SERPINI1: variants seen among roughly 807,000 people sequenced by gnomAD.
The protein encoded by SERPINI1 is neuroserpin.
In SERPINI1, 19 loss-of-function variants were observed where a neutral mutation model predicts 41.1. The observed-to-expected ratio is 0.46, with a 90% CI of 0.32 to 0.68. The LOEUF (loss-of-function observed/expected upper bound fraction) is 0.68, where lower values mean the gene tolerates loss of function less well. Ranked by LOEUF, SERPINI1 falls within the 30% of genes least tolerant of loss-of-function variation. The pLI, the probability that SERPINI1 is intolerant of heterozygous loss-of-function variation, is 0.03. For synonymous variants in SERPINI1, 138 were observed against 156.6 expected, an observed-to-expected ratio of 0.88 and a Z score of 0.89; for missense variants, 460 against 479.2, an observed-to-expected ratio of 0.96 and a Z score of 0.37.
At chr3:167,797,505 T>G (rs1727753404) in intron 5 of SERPINI1, among the ~76,000 whole-genome samples, 1 of 152,180 alleles carries the variant, frequency 6.6e-6, no homozygotes, top group Admixed American at 6.5e-5. Flanking sequence ...TTAATCCATC[T>G]TGAGTTAACT....
intron 6 of SERPINI1, among the ~76,000 whole-genome samples, chr3:167,819,271 C>T (rs1184372521): frequency 6.6e-6 from 1 of 152,126 alleles, no homozygotes; most frequent in South Asian, 2.1e-4. Flanking sequence ...GCCTCAGCTT[C>T]CCTGAGTGCT....
At chr3:167,815,994 C>T (rs1374021959) in intron 6 of SERPINI1, among the ~76,000 whole-genome samples, 2 of 152,076 alleles carry the variant, frequency 1.3e-5, no homozygotes, top group African/African-American at 2.4e-5. Context: ...TTTCTTGGAA[C>T]GTCTACTTTA....
intron 1 of SERPINI1, among the ~76,000 whole-genome samples, chr3:167,787,899 T>G (rs1282074147): frequency 2.6e-5 from 4 of 152,258 alleles, no homozygotes; most frequent in Non-Finnish European, 5.9e-5. Flanking sequence ...GATCTTCTAA[T>G]TCATAAGCCT....
intron 6 of SERPINI1, among the ~76,000 whole-genome samples, chr3:167,810,124 C>T (rs947850757): frequency 2.1e-4 from 32 of 152,006 alleles, no homozygotes; most frequent in African/African-American, 7.7e-4. Context: ...AAACTTGCCC[C>T]TTTTTTTCCT....
At chr3:167,778,455 A>T (rs1727026106) in intron 1 of SERPINI1, among the ~76,000 whole-genome samples, 1 of 152,152 alleles carries the variant, frequency 6.6e-6, no homozygotes, top group Admixed American at 6.5e-5. Context: ...TTGGTTGGGG[A>T]TGAAATCATA....
rs7631944 is a variant in SERPINI1 at position 167,773,374 on chromosome 3, G to A, written c.-18-15737G>A. On this transcript the variant is annotated intron_variant, in intron 1 of 8. Coordinates refer to ENST00000446050, the MANE Select transcript of SERPINI1 (RefSeq NM_001122752.2). ...GAGATCTCCGAAAATAAGAGTGGTC[G>A]ATTTACTATTTTAAGTGCCTTGTGA... is the stretch of plus-strand genomic sequence containing the variant. Among the ~76,000 whole-genome samples the A allele has an allele frequency of 9.1e-3, 1,383 of 152,144 alleles. 24 individuals carry two copies. Among genetic ancestry groups the A allele is most frequent in the African/African-American group, 0.031 (1,300 of 41,498 alleles).
chr3:167,754,702 C>T (rs1283597927), intron 1 of SERPINI1, among the ~76,000 whole-genome samples: 1 of 152,194 alleles, frequency 6.6e-6, no homozygotes, highest in Non-Finnish European at 1.5e-5. Context: ...TTGAATACAA[C>T]TGCATTATTT....
chr3:167,759,281 G>T (rs2108538982), intron 1 of SERPINI1, among the ~76,000 whole-genome samples: 1 of 151,332 alleles, frequency 6.6e-6, no homozygotes. Context: ...CTACCCAAAG[G>T]AAAATAAATC....
chr3:167,764,545 G>A (rs1726498356), intron 1 of SERPINI1, among the ~76,000 whole-genome samples: 1 of 152,120 alleles, frequency 6.6e-6, no homozygotes, highest in Non-Finnish European at 1.5e-5. Flanking sequence ...CAACACATGG[G>A]AATTCAAGAT....
At position 167,754,462 on chromosome 3, in the gene SERPINI1, T is replaced by C. The variant is rs533246998; in HGVS notation, c.-19+18639T>C. On this transcript the variant is annotated intron_variant, in intron 1 of 8. Coordinates refer to ENST00000446050, the MANE Select transcript of SERPINI1 (RefSeq NM_001122752.2). Reference sequence around the variant, plus strand: ...TTCTGTGGCACATACATTTTCATAATTTACAGATTCTATTATCTGTGCTTT... The same window carrying C: ...TTCTGTGGCACATACATTTTCATAACTTACAGATTCTATTATCTGTGCTTT... 9.8e-5 allele frequency among the ~76,000 whole-genome samples: 15 copies of C among 152,376 alleles called. No individual in the cohort carries two copies. The South Asian group carries it at 3.1e-3, about 32-fold the overall frequency.
chr3:167,774,769 C>T (rs1019289057), intron 1 of SERPINI1, among the ~76,000 whole-genome samples: 1 of 138,054 alleles, frequency 7.2e-6, no homozygotes, highest in Admixed American at 7.0e-5. Context: ...CATCCCCAAA[C>T]CATCCCCTCA....
intron 1 of SERPINI1, among the ~76,000 whole-genome samples, chr3:167,773,009 G>T: frequency 6.8e-6 from 1 of 146,720 alleles, no homozygotes; most frequent in African/African-American, 2.5e-5. Context: ...AAGTTTATCT[G>T]ACACAACTAA....
At chr3:167,809,020 A>G (rs1214773610) in intron 6 of SERPINI1, among the ~76,000 whole-genome samples, 1 of 152,204 alleles carries the variant, frequency 6.6e-6, no homozygotes, top group East Asian at 1.9e-4. Flanking sequence ...CCTAAACACT[A>G]ATAGAGCTTT....
rs184669296 is a variant in SERPINI1, at chr3:167,775,759, T to C, written c.-18-13352T>C. ...TCCTGTTTTTTCTGTATCCCTAGCA[T>C]CTAGCTCAGGGGCTGGCACATAGCT... On this transcript the variant is annotated intron_variant, in intron 1 of 8. Coordinates refer to ENST00000446050, the MANE Select transcript of SERPINI1 (RefSeq NM_001122752.2). Among the ~76,000 whole-genome samples, 296 of 152,292 alleles carry C rather than the reference T, an allele frequency of 1.9e-3. 1 individual carries two copies. The highest frequency in any genetic ancestry group is 7.0e-3 in the African/African-American group (292 of 41,562).
At chr3:167,795,062 A>C (rs927858229) in intron 5 of SERPINI1, among the ~76,000 whole-genome samples, 1 of 151,850 alleles carries the variant, frequency 6.6e-6, no homozygotes, top group Non-Finnish European at 1.5e-5. Flanking sequence ...ACACATGCTC[A>C]CTTATTGGTT....
At chr3:167,798,057 G>A (rs1202542207) in intron 5 of SERPINI1, among the ~76,000 whole-genome samples, 2 of 152,086 alleles carry the variant, frequency 1.3e-5, no homozygotes, top group Non-Finnish European at 2.9e-5. Flanking sequence ...CTATGAGGAT[G>A]CAAATTTATT....
At chr3:167,752,326 T>C (rs1726071258) in intron 1 of SERPINI1, among the ~76,000 whole-genome samples, 1 of 152,134 alleles carries the variant, frequency 6.6e-6, no homozygotes, top group African/African-American at 2.4e-5. Context: ...GATTTACCTA[T>C]CCAAAGCAAA....
chr3:167,790,704 A>G, intron 3 of SERPINI1, 102 bp downstream of exon 3: 1 of 870,092 alleles, frequency 1.1e-6, no homozygotes, highest in South Asian at 1.5e-5. Flanking sequence ...TGAATGTTTG[A>G]GAGCATTTAG....
chr3:167,744,858 T>TATA (rs3981306), intron 1 of SERPINI1, among the ~76,000 whole-genome samples: 33,095 of 129,402 alleles, frequency 0.26, 5,006 homozygotes, highest in African/African-American at 0.4. Context: ...TATAGTTATA[T>TATA]ATATATATAA....
Sources: allele counts gnomAD v4.1 joint callset (sites outside exome capture counted in the v4.1 genomes callset), GRCh38; gene constraint gnomAD v4.1.1; transcripts MANE v1.5; gene names NCBI Gene and HGNC (gene_info 2026-07-23, HGNC 2026-07-21).